KIAA1217: variants seen among roughly 807,000 people sequenced by gnomAD.
KIAA1217 encodes the protein KIAA1217, also known as sickle tail protein homolog.
KIAA1217 carries 88 observed loss-of-function variants against 163.9 expected under a neutral mutation model. That is an observed-to-expected ratio of 0.54 (90% CI 0.45 to 0.64). The LOEUF is 0.64. KIAA1217 is among the 30% of genes least tolerant of loss of function. The pLI, the probability that KIAA1217 is intolerant of heterozygous loss-of-function variation, is 0.00. For missense variants in KIAA1217, 2,372 were observed against 2,475.0 expected, an observed-to-expected ratio of 0.96 and a Z score of 0.88; for synonymous variants, 903 against 923.1, an observed-to-expected ratio of 0.98 and a Z score of 0.39.
At chr10:24,251,856 TAAAAAAA>T (rs34540873) in intron 2 of KIAA1217, among the ~76,000 whole-genome samples, 1 of 119,742 alleles carries the variant, frequency 8.4e-6, no homozygotes, top group South Asian at 2.9e-4. Flanking sequence ...CTGCATCTGT[TAAAAAAA>T]AAAAAAAAAA....
chr10:23,768,581 A>G (rs541368926), intron 1 of KIAA1217, among the ~76,000 whole-genome samples: 2 of 152,246 alleles, frequency 1.3e-5, no homozygotes, highest in Non-Finnish European at 2.9e-5. Context: ...ACAAAGGTAT[A>G]TTCGTGAACT....
chr10:24,461,793 C>G (rs557761848), intron 5 of KIAA1217, among the ~76,000 whole-genome samples: 3 of 152,298 alleles, frequency 2.0e-5, no homozygotes, highest in East Asian at 3.9e-4. Context: ...TAATGCTCTA[C>G]CTAGCTATTT....
At chr10:23,957,148 G>C (rs917626942) in intron 1 of KIAA1217, among the ~76,000 whole-genome samples, 6 of 152,070 alleles carry the variant, frequency 3.9e-5, no homozygotes, top group African/African-American at 1.4e-4. Flanking sequence ...ATTCCCAGCT[G>C]CTCTAAGCAG....
At chr10:24,070,920 A>T (rs2061162818) in intron 2 of KIAA1217, among the ~76,000 whole-genome samples, 1 of 152,186 alleles carries the variant, frequency 6.6e-6, no homozygotes, top group Admixed American at 6.5e-5. Context: ...TGCAATGAGT[A>T]TTCAAGTTGG....
chr10:24,274,969 G>A (rs1038349505), intron 2 of KIAA1217, among the ~76,000 whole-genome samples: 3 of 151,536 alleles, frequency 2.0e-5, no homozygotes, highest in Admixed American at 6.6e-5. Flanking sequence ...GCCGGGTCTC[G>A]CCCTCTTGAC....
At chr10:24,295,584 C>T (rs752305648) in intron 2 of KIAA1217, among the ~76,000 whole-genome samples, 12 of 152,222 alleles carry the variant, frequency 7.9e-5, no homozygotes, top group Non-Finnish European at 1.6e-4. Flanking sequence ...ATTTGTGTCC[C>T]GGGTGCTTCC....
chr10:24,213,083 G>C (rs772529842), intron 1 of KIAA1217, among the ~76,000 whole-genome samples: 7 of 152,168 alleles, frequency 4.6e-5, no homozygotes, highest in Non-Finnish European at 1.0e-4. Context: ...GCAAACTGGG[G>C]TATATGATCA....
At chr10:24,376,043 G>A (rs1047213504) in intron 2 of KIAA1217, among the ~76,000 whole-genome samples, 7 of 152,144 alleles carry the variant, frequency 4.6e-5, no homozygotes, top group African/African-American at 1.7e-4. Flanking sequence ...GAATAAATCT[G>A]ATCTCCCTCG....
chr10:24,028,364 G>T (rs1272881073), intron 2 of KIAA1217, among the ~76,000 whole-genome samples: 1 of 151,914 alleles, frequency 6.6e-6, no homozygotes, highest in African/African-American at 2.4e-5. Flanking sequence ...AAGTGAAAAT[G>T]AATTACAGCA....
chr10:23,933,337 G>A (rs1370715887), intron 1 of KIAA1217, among the ~76,000 whole-genome samples: 2 of 152,304 alleles, frequency 1.3e-5, no homozygotes, highest in South Asian at 2.1e-4. Flanking sequence ...TGACTGTACT[G>A]CTTTGGACTA....
chr10:23,999,058 A>G (rs1017634185), intron 1 of KIAA1217, among the ~76,000 whole-genome samples: 2 of 152,176 alleles, frequency 1.3e-5, no homozygotes, highest in Middle Eastern at 3.2e-3. Context: ...AAAAATAGCC[A>G]TATACAGTTT....
At chr10:23,836,615 A>G (rs1838464741) in intron 1 of KIAA1217, among the ~76,000 whole-genome samples, 2 of 150,558 alleles carry the variant, frequency 1.3e-5, no homozygotes, top group South Asian at 2.1e-4. Context: ...TTTTTAGTGT[A>G]TCCATCATTA....
intron 8 of KIAA1217, among the ~76,000 whole-genome samples, chr10:24,497,433 T>C (rs1273418726): frequency 4.6e-5 from 7 of 152,068 alleles, no homozygotes; most frequent in Non-Finnish European, 8.8e-5. Context: ...GCGACACAGC[T>C]ATTAAGAGTG....
At chr10:23,813,401 T>A (rs1837166613) in intron 1 of KIAA1217, among the ~76,000 whole-genome samples, 1 of 152,118 alleles carries the variant, frequency 6.6e-6, no homozygotes, top group Non-Finnish European at 1.5e-5. Context: ...ATAGTCCTTT[T>A]TATGCACATA....
Position 24,474,055 on chromosome 10 carries a change from G to T in KIAA1217, c.1674G>T (p.Glu558Asp). The change falls in exon 6 of 21, where the codon GAG (glutamate) becomes GAT (aspartate). Residue 558 changes from glutamate to aspartate, a missense_variant. By Grantham distance (45) the Glu-to-Asp change is conservative. This residue lies in a region of KIAA1217 where 1,431 missense variants were observed against 1,470.3 expected (regional missense o/e 0.97). Coordinates refer to ENST00000376454, the MANE Select transcript of KIAA1217 (RefSeq NM_019590.5). ...YSTATIPKDR[E>D]TRERMQAMEK... ...CGGCGACAATACCCAAAGACAGAGA[G>T]ACCAGGTAAGGTGCAGTGAGGGTGA... 3 of 1,599,316 alleles carry T rather than the reference G, an allele frequency of 1.9e-6. No individual in the cohort carries two copies. The highest frequency in any genetic ancestry group is 1.7e-6 in the Non-Finnish European group (2 of 1,172,020).
intron 17 of KIAA1217, chr10:24,542,347 A>G (rs2075218925): frequency 9.7e-6 from 3 of 310,630 alleles, no homozygotes; most frequent in Admixed American, 9.3e-5. Flanking sequence ...GCTTTTCACA[A>G]TTCTTCAGGT....
chr10:23,955,420 G>C (rs1255143377), intron 1 of KIAA1217, among the ~76,000 whole-genome samples: 1 of 152,212 alleles, frequency 6.6e-6, no homozygotes, highest in East Asian at 1.9e-4. Context: ...TGGGAACCAT[G>C]GAGCATTGAC....
Position 23,944,615 on chromosome 10 carries a change from A to G in KIAA1217, c.-320-62610A>G, listed in dbSNP as rs111867959. Among the ~76,000 whole-genome samples, 660 of 152,328 alleles carry G rather than the reference A, an allele frequency of 4.3e-3. 1 individual carries two copies. The highest frequency in any genetic ancestry group is 0.015 in the African/African-American group (635 of 41,564). On this transcript the variant is annotated intron_variant, in intron 1 of 18. Transcript: ENST00000376462. ...TGGATATTAGGGAAATGCTAAATAA[A>G]TCCACAATATGTCATCATTTCACAC... is the stretch of plus-strand genomic sequence containing the variant.
intron 1 of KIAA1217, among the ~76,000 whole-genome samples, chr10:23,993,870 G>C (rs757132722): frequency 6.6e-6 from 1 of 151,998 alleles, no homozygotes; most frequent in Non-Finnish European, 1.5e-5. Context: ...ATGAGCAACC[G>C]CACCCAGTCT....
Sources: allele counts gnomAD v4.1 joint callset (sites outside exome capture counted in the v4.1 genomes callset), GRCh38; gene constraint gnomAD v4.1.1; regional missense constraint gnomAD v4.1.1; transcripts MANE v1.5; gene names NCBI Gene and HGNC (gene_info 2026-07-23, HGNC 2026-07-21).